C12orf42: variants seen among roughly 807,000 people sequenced by gnomAD.
The protein encoded by C12orf42 is chromosome 12 open reading frame 42.
In C12orf42, 25 loss-of-function variants were observed where a neutral mutation model predicts 21.6. That is an observed-to-expected ratio of 1.16 (90% CI 0.84 to 1.62). The LOEUF is 1.62. Ranked by LOEUF, C12orf42 falls within the 40% of genes most tolerant of loss-of-function variation. C12orf42 has a pLI of 0.00. For missense variants in C12orf42, 483 were observed against 459.3 expected (o/e 1.05, Z -0.47); for synonymous variants, 174 against 175.0 (o/e 0.99, Z 0.05).
intron 10 of C12orf42, among the ~76,000 whole-genome samples, chr12:103,255,875 C>A (rs2034539454): frequency 1.3e-5 from 2 of 150,008 alleles, no homozygotes; most frequent in South Asian, 2.1e-4. Context: ...CACGGTGAAA[C>A]CCCGTCTCTA....
At chr12:103,290,460 T>C (rs1401100768) in intron 4 of C12orf42, among the ~76,000 whole-genome samples, 1 of 152,144 alleles carries the variant, frequency 6.6e-6, no homozygotes, top group African/African-American at 2.4e-5. Flanking sequence ...CAACAGGCAA[T>C]TGTTGGGCCT....
upstream of C12orf42, among the ~76,000 whole-genome samples, chr12:103,496,774 A>T (rs2374072): frequency 6.6e-5 from 8 of 120,516 alleles, no homozygotes; most frequent in Admixed American, 8.2e-4. Flanking sequence ...CACCCTCCCC[A>T]CCACCCCACA....
chr12:103,303,604 C>T (rs1364798959), intron 5 of C12orf42, among the ~76,000 whole-genome samples: 1 of 152,160 alleles, frequency 6.6e-6, no homozygotes, highest in Non-Finnish European at 1.5e-5. Flanking sequence ...ATAGTACCTT[C>T]CTAACACTGG....
chr12:103,270,355 A>C, intron 5 of C12orf42: 1 of 138,980 alleles, frequency 7.2e-6, no homozygotes, highest in East Asian at 2.6e-4. Context: ...TAAGGAGGGA[A>C]GGAAGGAAGA....
chr12:103,300,762 A>C (rs978028018), downstream of C12orf42, among the ~76,000 whole-genome samples: 3 of 152,206 alleles, frequency 2.0e-5, no homozygotes, highest in Non-Finnish European at 4.4e-5. Flanking sequence ...CTCCAACCAA[A>C]TGGCATGAAG....
the C12orf42 span, among the ~76,000 whole-genome samples, chr12:103,135,572 C>A: frequency 3.9e-5 from 6 of 152,042 alleles, no homozygotes; most frequent in African/African-American, 1.4e-4. Context: ...TACAAAACAA[C>A]CATGAATCAA....
the C12orf42 span, among the ~76,000 whole-genome samples, chr12:103,136,542 TGTATACGGAACC>T: frequency 0.012 from 1,812 of 152,244 alleles, 32 homozygotes; most frequent in African/African-American, 0.04. Flanking sequence ...AGTCCTAAAA[TGTATACGGAACC>T]ATAAAATAAC....
intron 3 of C12orf42, among the ~76,000 whole-genome samples, chr12:103,391,792 C>A (rs985981755): frequency 6.6e-6 from 1 of 151,896 alleles, no homozygotes; most frequent in Non-Finnish European, 1.5e-5. Context: ...TGATCACTCT[C>A]CTGATAGTGG....
At chr12:103,184,199 A>G in the C12orf42 span, among the ~76,000 whole-genome samples, 1 of 152,166 alleles carries the variant, frequency 6.6e-6, no homozygotes, top group East Asian at 1.9e-4. Context: ...TTTCAGCTCT[A>G]TCAATTTTTG....
chr12:103,491,436 T>C (rs1955177920), intron 1 of C12orf42, among the ~76,000 whole-genome samples: 2 of 152,110 alleles, frequency 1.3e-5, no homozygotes, highest in African/African-American at 4.8e-5. Context: ...CAGAAAAAAA[T>C]ATAGAAACAA....
At chr12:103,067,147 C>T in the C12orf42 span, among the ~76,000 whole-genome samples, 18 of 152,184 alleles carry the variant, frequency 1.2e-4, no homozygotes, top group African/African-American at 4.1e-4. Flanking sequence ...TATTGGACCT[C>T]TTCCATTATG....
intron 4 of C12orf42, among the ~76,000 whole-genome samples, chr12:103,284,735 C>A (rs1433001222): frequency 6.6e-6 from 1 of 152,310 alleles, no homozygotes; most frequent in South Asian, 2.1e-4. Flanking sequence ...ACCTGGAAGG[C>A]GGCTCTATGA....
chr12:103,223,018 C>A, the C12orf42 span, among the ~76,000 whole-genome samples: 1 of 151,946 alleles, frequency 6.6e-6, no homozygotes, highest in Admixed American at 6.6e-5. Flanking sequence ...TCATTGATTT[C>A]TTTATTCATT....
the C12orf42 span, among the ~76,000 whole-genome samples, chr12:103,106,767 A>G: frequency 2.6e-5 from 4 of 152,012 alleles, no homozygotes; most frequent in African/African-American, 7.2e-5. Flanking sequence ...AAGTCAAACA[A>G]CAAAAAAGAA....
chr12:103,216,272 G>T, the C12orf42 span, among the ~76,000 whole-genome samples: 1 of 152,058 alleles, frequency 6.6e-6, no homozygotes, highest in African/African-American at 2.4e-5. Flanking sequence ...GCAGGTTTGG[G>T]GTCAGATGTA....
chr12:103,336,665 A>G (rs1038927177), intron 4 of C12orf42, among the ~76,000 whole-genome samples: 5 of 152,220 alleles, frequency 3.3e-5, no homozygotes, highest in Non-Finnish European at 7.3e-5. Context: ...CATTTTAAGG[A>G]ACTGTTAATA....
chr12:103,199,808 C>A, the C12orf42 span, among the ~76,000 whole-genome samples: 1 of 152,082 alleles, frequency 6.6e-6, no homozygotes, highest in Admixed American at 6.6e-5. Context: ...GTTTCTAAAT[C>A]TTTCCATTTA....
intron 4 of C12orf42, among the ~76,000 whole-genome samples, chr12:103,346,163 T>C (rs1408695760): frequency 6.6e-6 from 1 of 152,214 alleles, no homozygotes; most frequent in Non-Finnish European, 1.5e-5. Flanking sequence ...AAGCAGATTA[T>C]AATCCTCCAC....
chr12:103,290,739 T>C (rs1373058938), intron 4 of C12orf42, among the ~76,000 whole-genome samples: 3 of 152,094 alleles, frequency 2.0e-5, no homozygotes, highest in Admixed American at 2.0e-4. Context: ...AGTAAGAAAA[T>C]GTGGTTTAAA....
Sources: allele counts gnomAD v4.1 joint callset (sites outside exome capture counted in the v4.1 genomes callset), GRCh38; gene constraint gnomAD v4.1.1; transcripts MANE v1.5; gene names NCBI Gene and HGNC (gene_info 2026-07-23, HGNC 2026-07-21).